LMBRD1: variants seen among roughly 807,000 people sequenced by gnomAD.
LMBRD1 encodes the protein lysosomal cobalamin transport escort protein LMBD1.
LMBRD1 carries 64 observed loss-of-function variants against 74.8 expected under a neutral mutation model. That is an observed-to-expected ratio of 0.86 (90% CI 0.70 to 1.05). The LOEUF is 1.05. Ranked by LOEUF, LMBRD1 falls within the 50% of genes least tolerant of loss-of-function variation. The pLI is 0.00. For missense variants in LMBRD1, 652 were observed against 645.9 expected (o/e 1.01, Z -0.10); for synonymous variants, 204 against 216.3 (o/e 0.94, Z 0.50).
In LMBRD1 at chr6:69,674,912, G is replaced by A. The variant is rs1193242671; in HGVS notation, c.*1246C>T. Among the ~76,000 whole-genome samples, 2 of 152,112 alleles carry A rather than the reference G, an allele frequency of 1.3e-5. No individual in the cohort carries two copies. The highest frequency in any genetic ancestry group is 3.9e-4 in the East Asian group (2 of 5,180). ...TGCTTGAATGCATGAAGGGGAGGTT[G>A]CAGTGAGCTGAGATCGTGCCATTGC... On this transcript the variant is annotated 3_prime_UTR_variant, in exon 16 of 16. Coordinates refer to ENST00000649934, the MANE Select transcript of LMBRD1 (RefSeq NM_018368.4).
At chr6:69,765,609 G>A (rs549900800) in intron 3 of LMBRD1, among the ~76,000 whole-genome samples, 66 of 152,054 alleles carry the variant, frequency 4.3e-4, no homozygotes, top group African/African-American at 1.5e-3. Context: ...TGACTTCCAC[G>A]TAAATTTTAG....
chr6:69,782,562 T>A (rs1255004898), intron 2 of LMBRD1, among the ~76,000 whole-genome samples: 1 of 151,960 alleles, frequency 6.6e-6, no homozygotes, highest in Non-Finnish European at 1.5e-5. Flanking sequence ...ACACCTATAA[T>A]CCCAGCTTCT....
intron 3 of LMBRD1, among the ~76,000 whole-genome samples, chr6:69,766,993 T>C (rs1765486378): frequency 6.6e-6 from 1 of 151,834 alleles, no homozygotes; most frequent in South Asian, 2.1e-4. Flanking sequence ...AATTTATTGG[T>C]ATAAAGTTAC....
At chr6:69,712,440 G>GT (rs34463374) in intron 9 of LMBRD1, among the ~76,000 whole-genome samples, 42 of 109,370 alleles carry the variant, frequency 3.8e-4, no homozygotes, top group Admixed American at 5.3e-4. Flanking sequence ...GAGTTCCTAT[G>GT]TTTTTTTTTT....
intron 1 of LMBRD1, among the ~76,000 whole-genome samples, chr6:69,796,342 A>G (rs1561924695): frequency 6.6e-6 from 1 of 152,238 alleles, no homozygotes; most frequent in Non-Finnish European, 1.5e-5. Context: ...GAGACTCACT[A>G]GCCCCAAGGG....
At chr6:69,710,026 T>C (rs1457466498) in intron 9 of LMBRD1, among the ~76,000 whole-genome samples, 1 of 152,202 alleles carries the variant, frequency 6.6e-6, no homozygotes, top group African/African-American at 2.4e-5. Flanking sequence ...CTTAAATTTA[T>C]ATGAAAATGC....
rs149970766 is a variant in LMBRD1, at chr6:69,764,928, C to CT, written c.308-12573dup. ...AAGATTGTATTCCTTAATTTCTTTTCTTTTTTTTTTTTTTAATTTGAGATG... is the reference window on the plus strand; with the variant it reads ...AAGATTGTATTCCTTAATTTCTTTTCTTTTTTTTTTTTTTTAATTTGAGATG... On this transcript the variant is annotated intron_variant, in intron 3 of 15. Transcript: ENST00000649934. 2.3e-3 allele frequency among the ~76,000 whole-genome samples: 334 copies of CT among 143,044 alleles called. 1 individual carries two copies. The highest frequency in any genetic ancestry group is 7.1e-3 in the African/African-American group (276 of 38,718). The allele number at this position is 143,044 out of a possible 152,430, so 93.8% of individuals were successfully genotyped here. A position where few individuals can be genotyped will look rare whatever the true frequency, so the allele number is the denominator to read the frequency against.
At chr6:69,716,967 T>A (rs1766505238) in intron 8 of LMBRD1, among the ~76,000 whole-genome samples, 1 of 151,872 alleles carries the variant, frequency 6.6e-6, no homozygotes, top group East Asian at 1.9e-4. Context: ...CTTTAAAAAG[T>A]TGTATATTTT....
intron 5 of LMBRD1, among the ~76,000 whole-genome samples, chr6:69,743,561 T>C (rs1470882131): frequency 6.6e-6 from 1 of 152,190 alleles, no homozygotes. Flanking sequence ...TCAGAATGAC[T>C]TCAGGAAAAT....
chr6:69,701,818 A>T, intron 10 of LMBRD1, 71 bp downstream of exon 10: 1 of 1,067,886 alleles, frequency 9.4e-7, no homozygotes, highest in Non-Finnish European at 1.5e-6. Flanking sequence ...CACTAATGGC[A>T]TTCAGCAACA....
intron 1 of LMBRD1, among the ~76,000 whole-genome samples, chr6:69,793,357 T>A (rs1433641490): frequency 6.6e-6 from 1 of 152,190 alleles, no homozygotes; most frequent in African/African-American, 2.4e-5. Context: ...TGAGAATAGA[T>A]GACATACTGT....
At position 69,675,449 on chromosome 6, in the gene LMBRD1, GATTA is replaced by G. The variant is rs569013031; in HGVS notation, c.*705_*708del. 3.0e-3 allele frequency among the ~76,000 whole-genome samples: 450 copies of G among 151,712 alleles called. 2 individuals carry two copies. The highest frequency in any genetic ancestry group is 4.8e-3 in the Non-Finnish European group (327 of 67,920). ...TCCATAAACTGATTTTTTTTTCCAG[GATTA>G]ATTATTCTTGACAATACCCCTATTT... On this transcript the variant is annotated 3_prime_UTR_variant, in exon 16 of 16. Transcript: ENST00000649934.
intron 1 of LMBRD1, among the ~76,000 whole-genome samples, chr6:69,791,622 T>C (rs1048942843): frequency 5.3e-5 from 8 of 152,202 alleles, no homozygotes; most frequent in Non-Finnish European, 8.8e-5. Context: ...GGTTACTTTC[T>C]TTCTGAGCAT....
chr6:69,678,404 G>A (rs1346124653), intron 14 of LMBRD1, among the ~76,000 whole-genome samples: 3 of 151,824 alleles, frequency 2.0e-5, no homozygotes, highest in African/African-American at 7.3e-5. Flanking sequence ...TAGAATAGGA[G>A]GCAGGAGAGG....
chr6:69,723,342 T>C (rs1310921221), intron 7 of LMBRD1, among the ~76,000 whole-genome samples: 1 of 152,128 alleles, frequency 6.6e-6, no homozygotes, highest in Admixed American at 6.5e-5. Context: ...TTAAAGAACA[T>C]TTCATCCAGT....
intron 5 of LMBRD1, among the ~76,000 whole-genome samples, chr6:69,744,721 G>A (rs1322715331): frequency 6.6e-6 from 1 of 152,088 alleles, no homozygotes; most frequent in African/African-American, 2.4e-5. Context: ...AACCACTGTA[G>A]TTCCAATGCT....
At chr6:69,796,026 T>G (rs1766217921) in intron 1 of LMBRD1, among the ~76,000 whole-genome samples, 1 of 152,148 alleles carries the variant, frequency 6.6e-6, no homozygotes, top group Admixed American at 6.5e-5. Context: ...GGAAATAAAT[T>G]GAACTCCCAA....
intron 1 of LMBRD1, among the ~76,000 whole-genome samples, chr6:69,794,184 C>T (rs191500178): frequency 6.6e-6 from 1 of 152,176 alleles, no homozygotes; most frequent in African/African-American, 2.4e-5. Context: ...GACATTTGCA[C>T]TCATGGTTCA....
chr6:69,727,918 T>C (rs1481853007), intron 7 of LMBRD1, among the ~76,000 whole-genome samples: 3 of 152,158 alleles, frequency 2.0e-5, no homozygotes, highest in Non-Finnish European at 4.4e-5. Flanking sequence ...AGTAACAGAA[T>C]AATTTAAGAC....
Sources: gnomAD v4.1 joint callset for allele counts (sites outside exome capture counted in the v4.1 genomes callset) on GRCh38, gnomAD v4.1.1 for gene constraint, MANE v1.5 for transcripts, NCBI Gene and HGNC (gene_info 2026-07-23, HGNC 2026-07-21) for gene names.